Variants in CCDC124 observed in about 807,000 individuals in gnomAD.
CCDC124 encodes the protein coiled-coil domain containing 124.
CCDC124 carries 9 observed loss-of-function variants against 19.8 expected under a neutral mutation model. The ratio of observed to expected loss-of-function variants is 0.45; its 90% CI spans 0.27 to 0.79. The LOEUF (loss-of-function observed/expected upper bound fraction) is 0.79, where lower values mean the gene tolerates loss of function less well. CCDC124 is among the 30% of genes least tolerant of loss of function. The pLI is 0.14. For missense variants in CCDC124, 285 were observed against 319.0 expected, an observed-to-expected ratio of 0.89 and a Z score of 0.81; for synonymous variants, 126 against 131.3, an observed-to-expected ratio of 0.96 and a Z score of 0.27.
At chr19:17,933,653 C>T (rs866010239) in intron 1 of CCDC124, among the ~76,000 whole-genome samples, 1 of 152,290 alleles carries the variant, frequency 6.6e-6, no homozygotes, top group African/African-American at 2.4e-5. Context: ...GAATACAAAT[C>T]GCCCCCTTTT....
At position 17,942,901 on chromosome 19, in the gene CCDC124, C is replaced by T. The variant is rs1216483324; in HGVS notation, c.349+56C>T. On this transcript the variant is annotated intron_variant, in intron 3 of 4. Coordinates refer to ENST00000445755, the MANE Select transcript of CCDC124 (RefSeq NM_001136203.2). This position sits in a 1 kb window ranked among gnomAD's most constrained non-coding sequence, Gnocchi z 4.2. ...TTTTGCCCACTGCAGAGGCAGTGGA[C>T]CTTGAGTCCATTAGCCCCCTCCTGG... is the stretch of plus-strand genomic sequence containing the variant. 2.7e-6 allele frequency: 4 copies of T among 1,456,260 alleles called. No homozygotes were observed. Among genetic ancestry groups the T allele is most frequent in the Non-Finnish European group, 3.6e-6 (4 of 1,104,176 alleles). 90.2% of individuals were successfully genotyped at this position (1,456,260 alleles called of 1,614,324 possible). A position where few individuals can be genotyped will look rare whatever the true frequency, so the allele number is the denominator to read the frequency against.
At position 17,943,977 on chromosome 19, in the gene CCDC124, G is replaced by T; in HGVS notation, c.*262G>T. 1.8e-6 allele frequency: 1 copy of T among 546,834 alleles called. No homozygotes were observed. Among genetic ancestry groups the T allele is most frequent in the Non-Finnish European group, 3.3e-6 (1 of 303,976 alleles). The allele number at this position is 546,834 out of a possible 1,614,324, so 33.9% of individuals were successfully genotyped here. On this transcript the variant is annotated 3_prime_UTR_variant, in exon 5 of 5. Coordinates refer to ENST00000445755, the MANE Select transcript of CCDC124 (RefSeq NM_001136203.2). ...CCAATAAAGGTGGCGGCAAGGCTGC[G>T]GTGAGGCACTTGAAGCCTAAGTGAG...
Position 17,942,963 on chromosome 19 carries a change from G to T in CCDC124, c.349+118G>T. 7.9e-7 allele frequency: 1 copy of T among 1,269,184 alleles called. No individual in the cohort carries two copies. The highest frequency in any genetic ancestry group is 2.5e-5 in the East Asian group (1 of 39,448). The allele number at this position is 1,269,184 out of a possible 1,614,324, so 78.6% of individuals were successfully genotyped here. A position where few individuals can be genotyped will look rare whatever the true frequency, so the allele number is the denominator to read the frequency against. On this transcript the variant is annotated intron_variant, in intron 3 of 4. Transcript: ENST00000445755. This position sits in a 1 kb window ranked among gnomAD's most constrained non-coding sequence, Gnocchi z 4.2. ...GCTGCCGGGGCTCCACGTGGTGCAG[G>T]GTGGGTGGGTAGGCCGCCTCCTGGT...
rs1047422995 is a variant in CCDC124, at chr19:17,942,916, C to G, written c.349+71C>G. 21 of 1,440,752 alleles carry G rather than the reference C, an allele frequency of 1.5e-5. No homozygotes were observed. The highest frequency in any genetic ancestry group is 1.1e-4 in the African/African-American group (8 of 69,604). The allele number at this position is 1,440,752 out of a possible 1,614,324, so 89.2% of individuals were successfully genotyped here. ...AGGCAGTGGACCTTGAGTCCATTAGCCCCCTCCTGGCCCCCAGAGAAGCTG... is the reference window on the plus strand; with the variant it reads ...AGGCAGTGGACCTTGAGTCCATTAGGCCCCTCCTGGCCCCCAGAGAAGCTG... On this transcript the variant is annotated intron_variant, in intron 3 of 4. Coordinates refer to ENST00000445755, the MANE Select transcript of CCDC124 (RefSeq NM_001136203.2). The surrounding 1 kb of genome is among the most constrained non-coding windows in gnomAD (Gnocchi z 4.2).
intron 2 of CCDC124, among the ~76,000 whole-genome samples, chr19:17,939,486 C>T (rs905366758): frequency 6.6e-6 from 1 of 152,316 alleles, no homozygotes; most frequent in Middle Eastern, 3.4e-3. Context: ...TGGCTTAATC[C>T]TCCCTGTGGC....
chr19:17,942,671 C>A lies in CCDC124; in HGVS notation c.175C>A (p.Arg59=). 1 of 1,555,820 alleles carries A rather than the reference C, an allele frequency of 6.4e-7. No homozygotes were observed. The highest frequency in any genetic ancestry group is 8.7e-7 in the Non-Finnish European group (1 of 1,149,778). Residue 59 remains arginine (R), a synonymous_variant, in exon 3 of 5, where the codon CGG becomes AGG. Coordinates refer to ENST00000445755, the MANE Select transcript of CCDC124 (RefSeq NM_001136203.2). This position sits in a 1 kb window ranked among gnomAD's most constrained non-coding sequence, Gnocchi z 4.2. ...GCCCCCGCAGGAGGAGAAGGAGAAG[C>A]GGCGCCTCGACCAGCTGGAACGTAA... ...KEQRKEEKEK[R]RLDQLERKKE... is the part of the protein sequence containing the mutation.
chr19:17,943,163 C>T lies in CCDC124; in HGVS notation c.350-98C>T, dbSNP rs1159755218. ...CCCCCTCATCTCTCCCGCCTTCCTC[C>T]CGCCCCTAGCTTCTCTTGCCAGTCT... On this transcript the variant is annotated intron_variant, in intron 3 of 4. Coordinates refer to ENST00000445755, the MANE Select transcript of CCDC124 (RefSeq NM_001136203.2). 14 of 1,031,376 alleles carry T rather than the reference C, an allele frequency of 1.4e-5. No homozygotes were observed. In the Admixed American group the frequency reaches 2.8e-4, roughly 21 times the overall value. The allele number at this position is 1,031,376 out of a possible 1,614,324, so 63.9% of individuals were successfully genotyped here. A position where few individuals can be genotyped will look rare whatever the true frequency, so the allele number is the denominator to read the frequency against.
At chr19:17,937,989 T>C (rs1167106761) in intron 2 of CCDC124, among the ~76,000 whole-genome samples, 2 of 152,126 alleles carry the variant, frequency 1.3e-5, no homozygotes, top group Non-Finnish European at 2.9e-5. Context: ...TGCCTTGGCC[T>C]CCCAAAATGC....
chr19:17,943,890 G>C lies in CCDC124; in HGVS notation c.*175G>C, dbSNP rs562161463. On this transcript the variant is annotated 3_prime_UTR_variant, in exon 5 of 5. Coordinates refer to ENST00000445755, the MANE Select transcript of CCDC124 (RefSeq NM_001136203.2). ...CCTCCCGCCAGAGGGTCCCTGCCCC[G>C]AGTGACACCCCATCCCCTCCCATCC... The C allele has an allele frequency of 3.2e-6, 2 of 632,168 alleles. No individual in the cohort carries two copies. The highest frequency in any genetic ancestry group is 2.8e-6 in the Non-Finnish European group (1 of 363,270). 39.2% of individuals were successfully genotyped at this position (632,168 alleles called of 1,614,324 possible). A position where few individuals can be genotyped will look rare whatever the true frequency, so the allele number is the denominator to read the frequency against.
At position 17,943,567 on chromosome 19, in the gene CCDC124, C is replaced by T. The variant is rs1451529903; in HGVS notation, c.524C>T (p.Ala175Val). 1.9e-6 allele frequency: 3 copies of T among 1,612,786 alleles called. No individual in the cohort carries two copies. In the Admixed American group the frequency reaches 5.0e-5, roughly 27 times the overall value. The change falls in exon 5 of 5, where the codon GCC becomes GTC. Residue 175 changes from alanine (A) to valine (V), a missense_variant. Ala to Val is a moderately conservative substitution (Grantham distance 64). Transcript: ENST00000445755. ...AGACGCATGCGGGCAGCCTTCACAGCCTTTGAGGAAGCCCAGCTGCCGCGG... is the reference window on the plus strand; with the variant it reads ...AGACGCATGCGGGCAGCCTTCACAGTCTTTGAGGAAGCCCAGCTGCCGCGG... Reference protein sequence around the residue: ...PERRMRAAFTAFEEAQLPRLK... With the variant: ...PERRMRAAFTVFEEAQLPRLK...
Position 17,936,583 on chromosome 19 carries a change from C to T in CCDC124, c.159+4C>T, listed in dbSNP as rs369056429. 267 of 1,610,394 alleles carry T rather than the reference C, an allele frequency of 1.7e-4. No individual in the cohort carries two copies. Among genetic ancestry groups the T allele is most frequent in the East Asian group, 6.3e-4 (28 of 44,796 alleles). ...CATGAGGAAGGAGCAGCGCAAGGTG[C>T]GTGCACTCCGAGTCCCCGCGGCCCG... On this transcript the variant is annotated splice_donor_region_variant and intron_variant, in intron 2 of 4. Transcript: ENST00000445755.
Position 17,943,241 on chromosome 19 carries a change from T to TGGGGGGGG in CCDC124, c.350-20_350-19insGGGGGGGG. Reference sequence around the variant, plus strand: ...CTTTGCTTATCTCTCTCTGTCTCTGTCACCCACCCACCCGCCCAGCCGAGA... The same window carrying TGGGGGGGG: ...CTTTGCTTATCTCTCTCTGTCTCTGTGGGGGGGGCACCCACCCACCCGCCCAGCCGAGA... On this transcript the variant is annotated intron_variant, in intron 3 of 4. Coordinates refer to ENST00000445755, the MANE Select transcript of CCDC124 (RefSeq NM_001136203.2). 8 of 736,614 alleles carry TGGGGGGGG rather than the reference T, an allele frequency of 1.1e-5. No individual in the cohort carries two copies. Among genetic ancestry groups the TGGGGGGGG allele is most frequent in the Non-Finnish European group, 1.7e-5 (7 of 414,940 alleles). 45.6% of individuals were successfully genotyped at this position (736,614 alleles called of 1,614,324 possible). A position where few individuals can be genotyped will look rare whatever the true frequency, so the allele number is the denominator to read the frequency against.
chr19:17,943,937 C>T lies in CCDC124; in HGVS notation c.*222C>T, dbSNP rs2031252568. The T allele has an allele frequency of 1.2e-5, 7 of 587,356 alleles. No individual in the cohort carries two copies. The highest frequency in any genetic ancestry group is 2.8e-5 in the East Asian group (1 of 35,548). 36.4% of individuals were successfully genotyped at this position (587,356 alleles called of 1,614,324 possible). On this transcript the variant is annotated 3_prime_UTR_variant, in exon 5 of 5. Coordinates refer to ENST00000445755, the MANE Select transcript of CCDC124 (RefSeq NM_001136203.2). Reference sequence around the variant, plus strand: ...ATCCCCCGGCGCGTGTGTGTAGAGCCTCAGGGCTGAGTGCCCAATAAAGGT... The same window carrying T: ...ATCCCCCGGCGCGTGTGTGTAGAGCTTCAGGGCTGAGTGCCCAATAAAGGT...
chr19:17,937,691 A>C (rs1292061933), intron 2 of CCDC124, among the ~76,000 whole-genome samples: 2 of 151,544 alleles, frequency 1.3e-5, no homozygotes, highest in African/African-American at 2.4e-5. Flanking sequence ...CCCATTTCCA[A>C]CCTGTTGACC....
At chr19:17,936,267 G>T (rs182548687) in intron 1 of CCDC124, 143 bp from the exon 2 acceptor site, 2 of 661,026 alleles carry the variant, frequency 3.0e-6, no homozygotes, top group Non-Finnish European at 5.0e-6. Flanking sequence ...CAAGGAGAGC[G>T]CTAAGTCCAA....
At chr19:17,933,903 G>T (rs558858579) in intron 1 of CCDC124, among the ~76,000 whole-genome samples, 1 of 152,206 alleles carries the variant, frequency 6.6e-6, no homozygotes, top group Admixed American at 6.6e-5. Flanking sequence ...CATCGCACAC[G>T]TATTAGGTGC....
At chr19:17,933,272 C>G (rs972285545) in intron 1 of CCDC124, among the ~76,000 whole-genome samples, 2 of 152,176 alleles carry the variant, frequency 1.3e-5, no homozygotes, top group African/African-American at 4.8e-5. Flanking sequence ...GCCACCTGGC[C>G]CCGGACTGCC....
intron 2 of CCDC124, among the ~76,000 whole-genome samples, chr19:17,940,748 T>TAA (rs753423113): frequency 9.9e-5 from 8 of 80,906 alleles, no homozygotes; most frequent in African/African-American, 2.0e-4. Context: ...AGATTCCACC[T>TAA]AAAAAAAAAA....
chr19:17,933,880 C>T (rs978540924), intron 1 of CCDC124, among the ~76,000 whole-genome samples: 3 of 152,326 alleles, frequency 2.0e-5, no homozygotes, highest in South Asian at 4.1e-4. Flanking sequence ...ATTTGTGCCA[C>T]CTCTTTCCCC....
Sources: allele counts gnomAD v4.1 joint callset (sites outside exome capture counted in the v4.1 genomes callset), GRCh38; gene constraint gnomAD v4.1.1; non-coding constraint Gnocchi (gnomAD v3.1); transcripts MANE v1.5; gene names NCBI Gene and HGNC (gene_info 2026-07-23, HGNC 2026-07-21).